ZCCHC10: variants seen among roughly 807,000 people sequenced by gnomAD.
ZCCHC10 encodes the protein zinc finger CCHC domain-containing protein 10.
In ZCCHC10, 16 loss-of-function variants were observed where a neutral mutation model predicts 19.5. The observed-to-expected ratio is 0.82, with a 90% CI of 0.56 to 1.25. The LOEUF (loss-of-function observed/expected upper bound fraction) is 1.25. ZCCHC10 is among the 50% of genes most tolerant of loss of function. ZCCHC10 has a pLI of 0.00. For synonymous variants in ZCCHC10, 67 were observed against 72.5 expected (o/e 0.92, Z 0.38); for missense variants, 197 against 201.0 (o/e 0.98, Z 0.12).
intron 4 of ZCCHC10, among the ~76,000 whole-genome samples, chr5:132,999,891 G>A (rs940346472): frequency 2.0e-5 from 3 of 152,092 alleles, no homozygotes; most frequent in Non-Finnish European, 4.4e-5. Flanking sequence ...GGGATTACAG[G>A]CATGTGCCAC....
At chr5:133,024,626 G>A (rs2126663982) in intron 1 of ZCCHC10, among the ~76,000 whole-genome samples, 1 of 152,296 alleles carries the variant, frequency 6.6e-6, no homozygotes, top group East Asian at 1.9e-4. Flanking sequence ...TTAATGGTGG[G>A]CGCAGTGGCT....
chr5:133,007,065 T>C, intron 2 of ZCCHC10, 145 bp from the exon 3 acceptor site: 1 of 794,300 alleles, frequency 1.3e-6, no homozygotes. Flanking sequence ...TTGTGAGATT[T>C]AATACAACAA....
chr5:133,015,415 G>A (rs1427964351), intron 2 of ZCCHC10, among the ~76,000 whole-genome samples: 2 of 152,116 alleles, frequency 1.3e-5, no homozygotes, highest in African/African-American at 4.8e-5. Flanking sequence ...AATTGTGGCA[G>A]TTTTAAAATA....
chr5:133,016,689 C>A (rs751153892), intron 2 of ZCCHC10, among the ~76,000 whole-genome samples: 4 of 152,052 alleles, frequency 2.6e-5, no homozygotes, highest in Non-Finnish European at 5.9e-5. Flanking sequence ...GTGATCTGCC[C>A]GCCTCAGCCT....
intron 3 of ZCCHC10, among the ~76,000 whole-genome samples, chr5:133,006,317 C>T (rs557409984): frequency 3.3e-5 from 5 of 152,100 alleles, no homozygotes; most frequent in African/African-American, 4.8e-5. Flanking sequence ...ATTAATATAC[C>T]TGGTACTTCT....
At chr5:133,008,580 G>A (rs550760456) in intron 2 of ZCCHC10, among the ~76,000 whole-genome samples, 1 of 151,006 alleles carries the variant, frequency 6.6e-6, no homozygotes, top group Non-Finnish European at 1.5e-5. Context: ...AGGGGGTCAA[G>A]CTGACCAGCT....
intron 1 of ZCCHC10, among the ~76,000 whole-genome samples, chr5:133,025,294 G>A (rs921337968): frequency 1.3e-5 from 2 of 151,916 alleles, no homozygotes; most frequent in Admixed American, 1.3e-4. Context: ...CTCGAGGTCA[G>A]GGGATCGAGA....
At chr5:133,016,735 G>A (rs1218752161) in intron 2 of ZCCHC10, among the ~76,000 whole-genome samples, 3 of 152,024 alleles carry the variant, frequency 2.0e-5, no homozygotes, top group South Asian at 2.1e-4. Context: ...GACCCACCGC[G>A]CACAGCTATT....
intron 3 of ZCCHC10, among the ~76,000 whole-genome samples, chr5:133,001,953 C>CA: frequency 1.3e-5 from 1 of 77,874 alleles, no homozygotes. Context: ...ATTCAGCAAT[C>CA]TTTTTTTTTT....
At chr5:133,022,454 CA>C (rs1425158207) in intron 2 of ZCCHC10, among the ~76,000 whole-genome samples, 12 of 149,638 alleles carry the variant, frequency 8.0e-5, no homozygotes, top group African/African-American at 3.0e-4. Context: ...TGGTATTGTT[CA>C]ACTTTTTTTT....
At chr5:133,007,202 G>T (rs542679898) in intron 2 of ZCCHC10, among the ~76,000 whole-genome samples, 130 of 152,224 alleles carry the variant, frequency 8.5e-4, no homozygotes, top group African/African-American at 3.0e-3. Flanking sequence ...TTCCTGTGCT[G>T]TTCTTGTGAT....
At chr5:133,000,966 G>A (rs1762732869) in intron 3 of ZCCHC10, among the ~76,000 whole-genome samples, 1 of 151,848 alleles carries the variant, frequency 6.6e-6, no homozygotes, top group East Asian at 1.9e-4. Flanking sequence ...TTAAAGACCA[G>A]AAATGTAATA....
At chr5:133,004,276 G>C (rs1003908565) in intron 3 of ZCCHC10, among the ~76,000 whole-genome samples, 5 of 151,710 alleles carry the variant, frequency 3.3e-5, no homozygotes, top group African/African-American at 1.2e-4. Context: ...CCGGGTTCAA[G>C]TGATTCTCCT....
intron 2 of ZCCHC10, chr5:133,018,911 G>A: frequency 3.0e-6 from 1 of 332,026 alleles, no homozygotes; most frequent in South Asian, 2.3e-5. Context: ...CCCTAAAAAT[G>A]AAAATATGTG....
At chr5:132,998,957 C>G in intron 4 of ZCCHC10, 107 bp from the exon 5 acceptor site, 1 of 1,454,616 alleles carries the variant, frequency 6.9e-7, no homozygotes, top group Non-Finnish European at 9.2e-7. Flanking sequence ...GCTCTGTTGC[C>G]CAGTGTGGAG....
At chr5:133,002,504 T>C (rs1561533799) in intron 3 of ZCCHC10, among the ~76,000 whole-genome samples, 1 of 152,104 alleles carries the variant, frequency 6.6e-6, no homozygotes, top group Non-Finnish European at 1.5e-5. Context: ...TAAACTAGAA[T>C]GAAAATTTTC....
intron 2 of ZCCHC10, among the ~76,000 whole-genome samples, chr5:133,020,392 C>A (rs897393935): frequency 6.6e-6 from 1 of 151,564 alleles, no homozygotes; most frequent in African/African-American, 2.4e-5. Context: ...TGCAAGGAAC[C>A]GAGATCACGC....
Position 132,998,605 on chromosome 5 carries a change from G to C in ZCCHC10, c.557C>G (p.Pro186Arg), listed in dbSNP as rs767302475. 3.7e-6 allele frequency: 6 copies of C among 1,613,686 alleles called. No individual in the cohort carries two copies. In the South Asian group the frequency reaches 5.5e-5, roughly 15 times the overall value. ...STDSSSDDEP[P>R]KKKKKK The stretch of plus-strand genomic sequence containing the variant: ...ACTCTATTTCTTTTTCTTCTTCTTT[G>C]GTGGTTCATCGTCAGAGCTGCTATC... Residue 186 changes from proline (P) to arginine (R), a missense_variant, in exon 5 of 5, where the codon CCA becomes CGA. Physicochemically the swap from Pro to Arg is moderately radical, Grantham distance 103. Coordinates refer to ENST00000509437, the MANE Select transcript of ZCCHC10 (RefSeq NM_001300816.3).
chr5:133,015,348 G>C (rs1413048780), intron 2 of ZCCHC10, among the ~76,000 whole-genome samples: 2 of 152,032 alleles, frequency 1.3e-5, no homozygotes, highest in African/African-American at 4.8e-5. Flanking sequence ...CAAAGTGCTG[G>C]GATTACAGGC....
Sources: allele counts gnomAD v4.1 joint callset (sites outside exome capture counted in the v4.1 genomes callset), GRCh38; gene constraint gnomAD v4.1.1; transcripts MANE v1.5; gene names NCBI Gene and HGNC (gene_info 2026-07-23, HGNC 2026-07-21).